The following TOX variants were observed in gnomAD, a reference collection of about 807,000 sequenced individuals.
The protein encoded by TOX is thymocyte selection associated high mobility group box.
In TOX, 11 loss-of-function variants were observed where a neutral mutation model predicts 53.7. The ratio of observed to expected loss-of-function variants is 0.20; its 90% CI spans 0.13 to 0.34. TOX has a LOEUF of 0.34. Among genes scored for constraint, TOX ranks in the 10% least tolerant of loss-of-function variants. TOX has a pLI of 1.00. For missense variants in TOX, 570 were observed against 664.6 expected (o/e 0.86, Z 1.56); for synonymous variants, 225 against 245.3 (o/e 0.92, Z 0.77).
In TOX at chr8:58,815,417, G is replaced by A. The variant is rs146676487; in HGVS notation, c.1313C>T (p.Pro438Leu). ...HQHLNMQQHQPLTMQQPLGNQ... is the reference protein window; with the variant it reads ...HQHLNMQQHQLLTMQQPLGNQ... ...CCCAAGGGGCTGCTGCATGGTGAGCGGCTGGTGCTGCTGCATGTTGAGATG... is the reference window on the plus strand; with the variant it reads ...CCCAAGGGGCTGCTGCATGGTGAGCAGCTGGTGCTGCTGCATGTTGAGATG... Residue 438 changes from proline (P) to leucine (L), a missense_variant, in exon 7 of 9, where the codon CCG (proline) becomes CTG (leucine). Transcript: ENST00000361421. The A allele has an allele frequency of 1.4e-3, 2,310 of 1,614,054 alleles. 4 individuals carry two copies. Among genetic ancestry groups the A allele is most frequent in the Middle Eastern group, 5.8e-3 (35 of 6,052 alleles).
At chr8:58,940,700 A>T (rs543960071) in intron 2 of TOX, among the ~76,000 whole-genome samples, 1 of 152,286 alleles carries the variant, frequency 6.6e-6, no homozygotes, top group African/African-American at 2.4e-5. Context: ...ATTTGAAATG[A>T]GCAGGCAAGG....
chr8:59,107,049 G>T lies in TOX; in HGVS notation c.102+11837C>A, dbSNP rs916871791. Among the ~76,000 whole-genome samples, 17 of 130,256 alleles carry T rather than the reference G, an allele frequency of 1.3e-4. 2 individuals carry two copies. The highest frequency in any genetic ancestry group is 2.4e-4 in the Admixed American group (3 of 12,632). The allele number at this position is 130,256 out of a possible 152,430, so 85.5% of individuals were successfully genotyped here. A position where few individuals can be genotyped will look rare whatever the true frequency, so the allele number is the denominator to read the frequency against. On this transcript the variant is annotated intron_variant, in intron 1 of 8. Transcript: ENST00000361421. The stretch of plus-strand genomic sequence containing the variant: ...ATGATCTTATAAAGCAGTTTGCTGG[G>T]GGGGGGGGGAACGTGACATTTCTAA...
At chr8:58,937,034 C>A (rs1812356914) in intron 3 of TOX, among the ~76,000 whole-genome samples, 2 of 152,186 alleles carry the variant, frequency 1.3e-5, no homozygotes, top group Non-Finnish European at 2.9e-5. Context: ...AAGTGCTGAA[C>A]CTTACCCACT....
rs182455093 is a variant in TOX, at chr8:58,875,351, G to A, written c.412-23546C>T. The stretch of plus-strand genomic sequence containing the variant: ...TCTTTTTAAGTCACTCAAAGATCTC[G>A]AAGTTAAAGGTATTACATGTATTGT... On this transcript the variant is annotated intron_variant, in intron 3 of 8. Transcript: ENST00000361421. Among the ~76,000 whole-genome samples the A allele has an allele frequency of 2.4e-3, 367 of 152,184 alleles. 2 individuals carry two copies. Among genetic ancestry groups the A allele is most frequent in the Admixed American group, 4.1e-3 (62 of 15,282 alleles).
intron 3 of TOX, among the ~76,000 whole-genome samples, chr8:58,925,065 C>A (rs1015878734): frequency 6.6e-6 from 1 of 152,198 alleles, no homozygotes; most frequent in African/African-American, 2.4e-5. Context: ...AGCCCCCAAC[C>A]CTCGGCCTGC....
intron 1 of TOX, among the ~76,000 whole-genome samples, chr8:59,089,388 CT>C (rs1293557094): frequency 2.0e-5 from 3 of 152,172 alleles, no homozygotes; most frequent in Non-Finnish European, 4.4e-5. Context: ...ATAGTGACCT[CT>C]TTCAGCTCTT....
chr8:59,092,263 T>TATATATA (rs1554545748), intron 1 of TOX, among the ~76,000 whole-genome samples: 1 of 48,832 alleles, frequency 2.0e-5, no homozygotes, highest in Non-Finnish European at 3.5e-5. Flanking sequence ...TATATATATA[T>TATATATA]TTTATATATA....
intron 3 of TOX, among the ~76,000 whole-genome samples, chr8:58,925,554 T>A (rs527741720): frequency 1.3e-5 from 2 of 152,298 alleles, no homozygotes; most frequent in Admixed American, 6.5e-5. Flanking sequence ...GAAGAAAGTA[T>A]ACGATAACAA....
chr8:59,071,709 G>A (rs1414611620), intron 1 of TOX, among the ~76,000 whole-genome samples: 2 of 152,152 alleles, frequency 1.3e-5, no homozygotes, highest in Non-Finnish European at 2.9e-5. Flanking sequence ...ATCCAGGTAA[G>A]TAGATTTTGA....
At chr8:58,876,604 G>A (rs1180688803) in intron 3 of TOX, among the ~76,000 whole-genome samples, 4 of 152,286 alleles carry the variant, frequency 2.6e-5, no homozygotes, top group South Asian at 4.2e-4. Flanking sequence ...CTTTGAAGGA[G>A]AGTCAAAGAG....
chr8:58,867,765 T>C (rs1585869237), intron 3 of TOX, among the ~76,000 whole-genome samples: 1 of 152,290 alleles, frequency 6.6e-6, no homozygotes, highest in East Asian at 1.9e-4. Context: ...TTGCACAAAC[T>C]AATTGGCTCT....
In TOX at chr8:58,880,782, T is replaced by C. The variant is rs1811370791; in HGVS notation, c.412-28977A>G. On this transcript the variant is annotated intron_variant, in intron 3 of 8. Coordinates refer to ENST00000361421, the MANE Select transcript of TOX (RefSeq NM_014729.3). ...CTGTGCTGTCCAGCTAAGTTATTTATGGCTTAACATCGCATTACTTGAGAA... is the reference window on the plus strand; with the variant it reads ...CTGTGCTGTCCAGCTAAGTTATTTACGGCTTAACATCGCATTACTTGAGAA... 2.0e-5 allele frequency among the ~76,000 whole-genome samples: 3 copies of C among 152,334 alleles called. No homozygotes were observed. In the South Asian group the frequency reaches 6.2e-4, roughly 32 times the overall value.
rs1440863616 is a variant in TOX, at chr8:59,108,710, A to G, written c.102+10176T>C. Reference sequence around the variant, plus strand: ...CATACACACACAAGGTTATCAAAAGAGTAACAGAAAATAGAAGGCAATAAT... The same window carrying G: ...CATACACACACAAGGTTATCAAAAGGGTAACAGAAAATAGAAGGCAATAAT... On this transcript the variant is annotated intron_variant, in intron 1 of 8. Transcript: ENST00000361421. Among the ~76,000 whole-genome samples the G allele has an allele frequency of 2.6e-5, 4 of 152,166 alleles. No individual in the cohort carries two copies. The East Asian group carries it at 7.7e-4, about 29-fold the overall frequency.
intron 1 of TOX, among the ~76,000 whole-genome samples, chr8:58,975,563 A>G (rs1813081047): frequency 6.6e-6 from 1 of 152,200 alleles, no homozygotes; most frequent in African/African-American, 2.4e-5. Flanking sequence ...TGTTTACACT[A>G]TACTACAGTC....
At chr8:59,034,255 C>T (rs1464372513) in intron 1 of TOX, among the ~76,000 whole-genome samples, 1 of 152,226 alleles carries the variant, frequency 6.6e-6, no homozygotes, top group African/African-American at 2.4e-5. Flanking sequence ...TTAACCGTTA[C>T]CAGATAAGAT....
chr8:58,884,458 A>C (rs1198752206), intron 3 of TOX, among the ~76,000 whole-genome samples: 1 of 152,150 alleles, frequency 6.6e-6, no homozygotes, highest in Non-Finnish European at 1.5e-5. Context: ...ATGCCTGTGA[A>C]GTTCATTACA....
At chr8:59,030,588 C>T (rs772624475) in intron 1 of TOX, among the ~76,000 whole-genome samples, 15 of 152,176 alleles carry the variant, frequency 9.9e-5, no homozygotes, top group South Asian at 4.1e-4. Flanking sequence ...CAAAGTGTTC[C>T]ATCTGCTTCC....
intron 3 of TOX, among the ~76,000 whole-genome samples, chr8:58,897,369 C>T (rs1811668304): frequency 2.0e-5 from 3 of 152,124 alleles, no homozygotes; most frequent in Non-Finnish European, 1.5e-5. Context: ...AATAAATTAA[C>T]GTGTCAGAAA....
chr8:59,044,323 T>C (rs1803648712), intron 1 of TOX, among the ~76,000 whole-genome samples: 1 of 150,738 alleles, frequency 6.6e-6, no homozygotes, highest in Non-Finnish European at 1.5e-5. Flanking sequence ...TTTGAAAATA[T>C]AAGTAGCTTA....
Sources: allele counts gnomAD v4.1 joint callset (sites outside exome capture counted in the v4.1 genomes callset), GRCh38; gene constraint gnomAD v4.1.1; transcripts MANE v1.5; gene names NCBI Gene and HGNC (gene_info 2026-07-23, HGNC 2026-07-21).